Variants in GSK3B observed in about 807,000 individuals in gnomAD.
GSK3B encodes glycogen synthase kinase 3 beta, also known as glycogen synthase kinase-3 beta.
GSK3B carries 15 observed loss-of-function variants against 56.4 expected under a neutral mutation model. That is an observed-to-expected ratio of 0.27 (90% CI 0.18 to 0.41). The LOEUF (loss-of-function observed/expected upper bound fraction) is 0.41. Among genes scored for constraint, GSK3B ranks in the 10% least tolerant of loss-of-function variants. GSK3B has a pLI of 1.00. For missense variants in GSK3B, 300 were observed against 513.4 expected (o/e 0.58, Z 4.02); for synonymous variants, 181 against 188.9 (o/e 0.96, Z 0.34).
intron 3 of GSK3B, among the ~76,000 whole-genome samples, chr3:119,942,318 G>C (rs964769085): frequency 4.0e-5 from 6 of 151,872 alleles, no homozygotes; most frequent in African/African-American, 1.5e-4. Context: ...TATTTTTTGA[G>C]ACGGAGTTTC....
intron 10 of GSK3B, among the ~76,000 whole-genome samples, chr3:119,841,933 G>T (rs971064052): frequency 3.0e-4 from 45 of 152,084 alleles, no homozygotes; most frequent in Non-Finnish European, 6.2e-4. Flanking sequence ...CATGGATTTT[G>T]ACCTTACTGT....
intron 10 of GSK3B, among the ~76,000 whole-genome samples, chr3:119,836,458 T>C (rs2055692331): frequency 6.6e-6 from 1 of 152,162 alleles, no homozygotes. Context: ...ATCAAAAATT[T>C]TAAATGTCTT....
intron 6 of GSK3B, among the ~76,000 whole-genome samples, chr3:119,911,407 G>A (rs751363433): frequency 1.3e-5 from 2 of 152,094 alleles, no homozygotes; most frequent in Non-Finnish European, 2.9e-5. Flanking sequence ...AGGGCCCTAG[G>A]ATTTCTGGAA....
intron 1 of GSK3B, among the ~76,000 whole-genome samples, chr3:120,071,413 G>A (rs778793816): frequency 3.9e-5 from 6 of 152,156 alleles, no homozygotes; most frequent in East Asian, 1.9e-4. Context: ...ACAGCAGGAG[G>A]TGAGCAGCAG....
At chr3:119,909,373 G>A (rs549222144) in intron 6 of GSK3B, among the ~76,000 whole-genome samples, 1 of 152,214 alleles carries the variant, frequency 6.6e-6, no homozygotes, top group East Asian at 1.9e-4. Flanking sequence ...TTTATTATTT[G>A]CATGCTTTTG....
chr3:119,967,922 C>G (rs1159464263), intron 2 of GSK3B, among the ~76,000 whole-genome samples: 1 of 151,628 alleles, frequency 6.6e-6, no homozygotes, highest in Non-Finnish European at 1.5e-5. Flanking sequence ...GTGGCACAAT[C>G]TCCACTCACT....
At chr3:119,881,745 C>A (rs1371241410) in intron 7 of GSK3B, among the ~76,000 whole-genome samples, 3 of 152,138 alleles carry the variant, frequency 2.0e-5, no homozygotes, top group African/African-American at 7.2e-5. Context: ...ATGCCCCCAC[C>A]CAAATCTCAT....
At chr3:119,889,409 T>G (rs1004585408) in intron 7 of GSK3B, among the ~76,000 whole-genome samples, 1 of 152,108 alleles carries the variant, frequency 6.6e-6, no homozygotes, top group Admixed American at 6.6e-5. Context: ...ATGAAAACTA[T>G]AGCACAAAGA....
chr3:120,003,057 G>A (rs2057693856), intron 1 of GSK3B, among the ~76,000 whole-genome samples: 1 of 152,182 alleles, frequency 6.6e-6, no homozygotes, highest in Non-Finnish European at 1.5e-5. Context: ...CAAAGTAGAA[G>A]ACCTCTCAGA....
intron 2 of GSK3B, 36 bp from the exon 3 acceptor site, chr3:119,947,387 G>A (rs2057111201): frequency 8.1e-7 from 1 of 1,233,382 alleles, no homozygotes; most frequent in Non-Finnish European, 1.2e-6. Flanking sequence ...ATTTTTAAAG[G>A]ATAACAGCTA....
chr3:119,913,158 AC>A, intron 5 of GSK3B, among the ~76,000 whole-genome samples: 1 of 152,012 alleles, frequency 6.6e-6, no homozygotes, highest in Admixed American at 6.6e-5. Flanking sequence ...TACCTCCCCC[AC>A]CAAAAAGCAT....
chr3:119,991,867 CAAG>C (rs2057569851), intron 2 of GSK3B, among the ~76,000 whole-genome samples: 1 of 151,834 alleles, frequency 6.6e-6, no homozygotes, highest in Non-Finnish European at 1.5e-5. Flanking sequence ...GAATAAAAAA[CAAG>C]AAAAACTATA....
At chr3:120,084,161 T>C (rs2058444535) in intron 1 of GSK3B, among the ~76,000 whole-genome samples, 1 of 152,214 alleles carries the variant, frequency 6.6e-6, no homozygotes, top group South Asian at 2.1e-4. Flanking sequence ...GTGATCACTG[T>C]ATACTACTTG....
At chr3:120,072,279 C>T (rs1057216951) in intron 1 of GSK3B, among the ~76,000 whole-genome samples, 7 of 152,090 alleles carry the variant, frequency 4.6e-5, no homozygotes, top group Non-Finnish European at 7.4e-5. Context: ...TATCTTCGGC[C>T]GGGCACGGTA....
At chr3:120,030,584 A>G (rs1482969259) in intron 1 of GSK3B, among the ~76,000 whole-genome samples, 2 of 152,178 alleles carry the variant, frequency 1.3e-5, no homozygotes, top group African/African-American at 4.8e-5. Context: ...TACACAAAGC[A>G]TTTTGCCACC....
intron 1 of GSK3B, among the ~76,000 whole-genome samples, chr3:120,087,166 A>C (rs1576320146): frequency 6.6e-6 from 1 of 152,216 alleles, no homozygotes; most frequent in Non-Finnish European, 1.5e-5. Context: ...AATTCCAATA[A>C]GGTGAGATTC....
intron 1 of GSK3B, among the ~76,000 whole-genome samples, chr3:120,016,910 T>C (rs1328107385): frequency 6.6e-6 from 1 of 152,234 alleles, no homozygotes; most frequent in Non-Finnish European, 1.5e-5. Flanking sequence ...TGAATAAATA[T>C]TTCACTTGGT....
chr3:119,874,368 ATAAC>A (rs2056283551), intron 8 of GSK3B, among the ~76,000 whole-genome samples: 1 of 152,108 alleles, frequency 6.6e-6, no homozygotes, highest in African/African-American at 2.4e-5. Context: ...GTTAACAACA[ATAAC>A]TAATAATAAA....
chr3:120,032,107 A>G (rs530131465), intron 1 of GSK3B, among the ~76,000 whole-genome samples: 2 of 152,326 alleles, frequency 1.3e-5, no homozygotes, highest in African/African-American at 4.8e-5. Context: ...AAAATATCTC[A>G]ATAATGATTT....
Sources: gnomAD v4.1 joint callset for allele counts (sites outside exome capture counted in the v4.1 genomes callset) on GRCh38, gnomAD v4.1.1 for gene constraint, MANE v1.5 for transcripts, NCBI Gene and HGNC (gene_info 2026-07-23, HGNC 2026-07-21) for gene names.